Variants in BABAM2 observed in about 807,000 individuals in gnomAD.
BABAM2 encodes the protein BRISC and BRCA1-A complex member 2.
Under a neutral mutation model 54.7 loss-of-function variants are expected in BABAM2, and 31 were observed. The observed-to-expected ratio is 0.57, with a 90% CI of 0.43 to 0.77. The LOEUF is 0.77. Among genes scored for constraint, BABAM2 ranks in the 30% least tolerant of loss-of-function variants. The pLI is 0.00. For synonymous variants in BABAM2, 167 were observed against 162.9 expected, an observed-to-expected ratio of 1.03 and a Z score of -0.19; for missense variants, 364 against 455.8, an observed-to-expected ratio of 0.80 and a Z score of 1.83.
chr2:28,111,957 G>T (rs188796694), intron 6 of BABAM2, among the ~76,000 whole-genome samples: 1 of 152,188 alleles, frequency 6.6e-6, no homozygotes, highest in African/African-American at 2.4e-5. Flanking sequence ...GAGGTAGAAT[G>T]ATGTCCACTG....
intron 3 of BABAM2, among the ~76,000 whole-genome samples, chr2:27,942,032 T>TTG (rs996583342): frequency 2.0e-5 from 3 of 151,932 alleles, no homozygotes; most frequent in Non-Finnish European, 2.9e-5. Context: ...GCTGCTGCTT[T>TTG]TGTGTGTGTG....
chr2:28,132,283 C>T (rs969429482), intron 7 of BABAM2, among the ~76,000 whole-genome samples: 13 of 151,824 alleles, frequency 8.6e-5, no homozygotes, highest in Non-Finnish European at 1.3e-4. Context: ...GGACTACAGG[C>T]GCCCGCCACC....
intron 3 of BABAM2, among the ~76,000 whole-genome samples, chr2:27,987,621 C>T (rs148070279): frequency 2.0e-5 from 3 of 152,026 alleles, no homozygotes; most frequent in African/African-American, 7.2e-5. Context: ...TCGAGACCAG[C>T]CTGCACAACA....
rs149788962 is a variant in BABAM2 at position 28,219,968 on chromosome 2, C to T, written c.681-17234C>T. Among the ~76,000 whole-genome samples the T allele has an allele frequency of 7.2e-3, 1,094 of 152,324 alleles. 8 individuals are homozygous for T. The highest frequency in any genetic ancestry group is 0.025 in the African/African-American group (1,038 of 41,574). ...ATACTGGATGAGTTGTGGCTCAGTG[C>T]TGCTGTTTCCTGAATTTTGTCCCTC... On this transcript the variant is annotated intron_variant, in intron 7 of 11. Coordinates refer to ENST00000379624, the MANE Select transcript of BABAM2 (RefSeq NM_199191.3).
At chr2:28,317,707 C>A (rs544528714) in intron 11 of BABAM2, among the ~76,000 whole-genome samples, 1 of 152,348 alleles carries the variant, frequency 6.6e-6, no homozygotes, top group South Asian at 2.1e-4. Flanking sequence ...TGACCACTTA[C>A]GTACTGTTAG....
chr2:27,893,574 T>C (rs771948258), intron 1 of BABAM2, among the ~76,000 whole-genome samples: 1 of 152,244 alleles, frequency 6.6e-6, no homozygotes, highest in Non-Finnish European at 1.5e-5. Context: ...AAAATGTTTA[T>C]TGAGTGTTTA....
intron 4 of BABAM2, among the ~76,000 whole-genome samples, chr2:28,002,493 A>G (rs1163047936): frequency 6.6e-6 from 1 of 152,112 alleles, no homozygotes; most frequent in Non-Finnish European, 1.5e-5. Context: ...ATATTTTGCA[A>G]TAAAGTTTTT....
intron 10 of BABAM2, among the ~76,000 whole-genome samples, chr2:28,265,427 AAAAT>A (rs569278952): frequency 6.6e-6 from 1 of 152,162 alleles, no homozygotes; most frequent in Non-Finnish European, 1.5e-5. Context: ...ACTCTGTCTC[AAAAT>A]AAATAAATAA....
chr2:28,148,997 A>G (rs1340859130), intron 7 of BABAM2, among the ~76,000 whole-genome samples: 1 of 152,170 alleles, frequency 6.6e-6, no homozygotes, highest in Non-Finnish European at 1.5e-5. Context: ...ACAAAAGCTT[A>G]TGGCCCCATG....
intron 6 of BABAM2, among the ~76,000 whole-genome samples, chr2:28,074,265 G>A (rs1664447962): frequency 6.6e-6 from 1 of 152,044 alleles, no homozygotes; most frequent in Non-Finnish European, 1.5e-5. Context: ...GACATTTTTG[G>A]CCAGATAATT....
At chr2:28,083,843 G>T (rs1372778864) in intron 6 of BABAM2, among the ~76,000 whole-genome samples, 1 of 152,170 alleles carries the variant, frequency 6.6e-6, no homozygotes, top group Non-Finnish European at 1.5e-5. Context: ...TTCGTGATCT[G>T]TATTTATTGA....
chr2:28,192,242 G>A (rs1187428001), intron 7 of BABAM2, among the ~76,000 whole-genome samples: 1 of 152,018 alleles, frequency 6.6e-6, no homozygotes, highest in Non-Finnish European at 1.5e-5. Context: ...CACCATGTTA[G>A]CCAGGATGGT....
At chr2:28,074,718 G>C (rs1664495407) in intron 6 of BABAM2, among the ~76,000 whole-genome samples, 1 of 151,976 alleles carries the variant, frequency 6.6e-6, no homozygotes. Context: ...GGTGAGGGGA[G>C]GTGAAAAGCG....
chr2:28,167,697 A>AAAT (rs1673848181), intron 7 of BABAM2, among the ~76,000 whole-genome samples: 17 of 145,248 alleles, frequency 1.2e-4, no homozygotes, highest in Admixed American at 4.1e-4. Context: ...CCATCTCAAA[A>AAAT]AAATAAATAA....
intron 7 of BABAM2, among the ~76,000 whole-genome samples, chr2:28,230,588 T>G (rs114665022): frequency 0.13 from 19,503 of 150,266 alleles, 1,547 homozygotes; most frequent in African/African-American, 0.22. Context: ...GCCAGGCATG[T>G]TGGTGCACAT....
At chr2:28,238,578 C>T (rs563422259) in intron 8 of BABAM2, among the ~76,000 whole-genome samples, 7 of 152,276 alleles carry the variant, frequency 4.6e-5, no homozygotes, top group Admixed American at 6.5e-5. Context: ...GCAACTCCAC[C>T]GTCTGTGGGC....
chr2:28,249,705 A>G (rs759414962), intron 10 of BABAM2, among the ~76,000 whole-genome samples: 5 of 152,030 alleles, frequency 3.3e-5, no homozygotes, highest in African/African-American at 4.8e-5. Flanking sequence ...CAGTGGTGCA[A>G]TCATGGCTCA....
At chr2:27,932,189 T>C (rs1668144107) in intron 3 of BABAM2, among the ~76,000 whole-genome samples, 1 of 152,150 alleles carries the variant, frequency 6.6e-6, no homozygotes. Context: ...CTTTCTACCC[T>C]TCTGTTTTCC....
chr2:27,959,633 C>T (rs1024445224), intron 3 of BABAM2, among the ~76,000 whole-genome samples: 6 of 151,998 alleles, frequency 3.9e-5, no homozygotes, highest in African/African-American at 1.2e-4. Context: ...CTACTTCTTC[C>T]CTGAAAACTG....
Sources: allele counts gnomAD v4.1 joint callset (sites outside exome capture counted in the v4.1 genomes callset), GRCh38; gene constraint gnomAD v4.1.1; transcripts MANE v1.5; gene names NCBI Gene and HGNC (gene_info 2026-07-23, HGNC 2026-07-21).